PARP14: variants seen among roughly 807,000 people sequenced by gnomAD.
PARP14 encodes protein mono-ADP-ribosyltransferase PARP14.
Under a neutral mutation model 154.2 loss-of-function variants are expected in PARP14, and 59 were observed. The ratio of observed to expected loss-of-function variants is 0.38; its 90% CI spans 0.31 to 0.48. The LOEUF (loss-of-function observed/expected upper bound fraction) is 0.48. Among genes scored for constraint, PARP14 ranks in the 20% least tolerant of loss-of-function variants. The pLI is 0.98. For synonymous variants in PARP14, 720 were observed against 780.5 expected, an observed-to-expected ratio of 0.92 and a Z score of 1.29; for missense variants, 1,734 against 2,131.6, an observed-to-expected ratio of 0.81 and a Z score of 3.67.
intron 9 of PARP14, among the ~76,000 whole-genome samples, chr3:122,708,826 C>G (rs958001202): frequency 3.3e-5 from 5 of 152,086 alleles, no homozygotes; most frequent in Non-Finnish European, 7.3e-5. Context: ...TGCCTACCCC[C>G]CTCAATCCCA....
In PARP14 at chr3:122,728,777, C is replaced by T. The variant is rs1388320929; in HGVS notation, c.*180C>T. The T allele has an allele frequency of 3.5e-6, 2 of 578,116 alleles. No homozygotes were observed. The highest frequency in any genetic ancestry group is 5.7e-5 in the East Asian group (2 of 34,866). 35.8% of individuals were successfully genotyped at this position (578,116 alleles called of 1,614,324 possible). On this transcript the variant is annotated 3_prime_UTR_variant, in exon 17 of 17. Transcript: ENST00000474629. Reference sequence around the variant, plus strand: ...TTCATAATGGAAATGAACTTATTATCTTGAGAGCAAATAACTTGGAAAATT... The same window carrying T: ...TTCATAATGGAAATGAACTTATTATTTTGAGAGCAAATAACTTGGAAAATT...
At chr3:122,693,444 A>G (rs772901190) in intron 4 of PARP14, among the ~76,000 whole-genome samples, 3 of 152,216 alleles carry the variant, frequency 2.0e-5, no homozygotes, top group Non-Finnish European at 4.4e-5. Flanking sequence ...TGGCCAAGTT[A>G]TTATCCTCCC....
At chr3:122,704,040 G>T (rs1310270509) in intron 7 of PARP14, 62 bp downstream of exon 7, 4 of 1,081,708 alleles carry the variant, frequency 3.7e-6, no homozygotes, top group Non-Finnish European at 4.3e-6. Flanking sequence ...CCTTTTAGTA[G>T]CATATTAATT....
intron 12 of PARP14, among the ~76,000 whole-genome samples, chr3:122,716,807 G>A (rs1320689153): frequency 2.0e-5 from 3 of 152,050 alleles, no homozygotes; most frequent in African/African-American, 4.8e-5. Flanking sequence ...TTCTGCATAC[G>A]TGCCAGGCTG....
At position 122,718,874 on chromosome 3, in the gene PARP14, C is replaced by T. The variant is rs1933074383; in HGVS notation, c.4723C>T (p.His1575Tyr). 1 of 1,613,840 alleles carries T rather than the reference C, an allele frequency of 6.2e-7. No homozygotes were observed. Among genetic ancestry groups the T allele is most frequent in the Non-Finnish European group, 8.5e-7 (1 of 1,179,786 alleles). ...KTVDVKINHRHYTVNLNTYTA... is the reference protein window; with the variant it reads ...KTVDVKINHRYYTVNLNTYTA... Reference sequence around the variant, plus strand: ...AGTTGATGTCAAAATTAATCATCGGCACTACACAGTGAACTTGAACACATA... The same window carrying T: ...AGTTGATGTCAAAATTAATCATCGGTACTACACAGTGAACTTGAACACATA... Residue 1575 changes from histidine to tyrosine, a missense_variant, in exon 14 of 17, where the codon CAC (histidine) becomes TAC (tyrosine). By Grantham distance (83) the His-to-Tyr change is moderately conservative. Transcript: ENST00000474629.
intron 9 of PARP14, among the ~76,000 whole-genome samples, chr3:122,711,731 AT>A (rs1022806096): frequency 1.3e-5 from 2 of 151,730 alleles, no homozygotes; most frequent in African/African-American, 2.4e-5. Flanking sequence ...GTTGTTGGCA[AT>A]TTTTTTTAAT....
chr3:122,680,931 C>A lies in PARP14; in HGVS notation c.48C>A (p.Gly16=), dbSNP rs756571646. The change falls in exon 1 of 17, where the codon GGC becomes GGA. Residue 16 remains glycine, a synonymous_variant. Transcript: ENST00000474629. Reference sequence around the variant, plus strand: ...CGCTGCTGGTCGAGGGCTCCTGGGGCCCCGACCCCCCGAAGAACTTGAACA... The same window carrying A: ...CGCTGCTGGTCGAGGGCTCCTGGGGACCCGACCCCCCGAAGAACTTGAACA... ...SFPLLVEGSW[G]PDPPKNLNTK... is the part of the protein sequence containing the mutation. 3 of 1,612,138 alleles carry A rather than the reference C, an allele frequency of 1.9e-6. No individual in the cohort carries two copies. The highest frequency in any genetic ancestry group is 2.2e-5 in the East Asian group (1 of 44,754).
Position 122,701,441 on chromosome 3 carries a change from T to C in PARP14, c.2887T>C (p.Ser963Pro). The change falls in exon 6 of 17, where the codon TCT becomes CCT. Residue 963 changes from serine (S) to proline (P), a missense_variant. By Grantham distance (74) the Ser-to-Pro change is moderately conservative. Transcript: ENST00000474629. The surrounding 1 kb of genome is among the most constrained non-coding windows in gnomAD (Gnocchi z 4.0). ...GAAAGAAATCTACCTTGTGGATGTA[T>C]CTGAGAAGACTGTTGAGGCCTTTGC... ...CLKEIYLVDV[S>P]EKTVEAFAEA... The C allele has an allele frequency of 6.2e-7, 1 of 1,614,028 alleles. No homozygotes were observed. Among genetic ancestry groups the C allele is most frequent in the Non-Finnish European group, 8.5e-7 (1 of 1,179,894 alleles).
intron 15 of PARP14, among the ~76,000 whole-genome samples, chr3:122,724,135 C>A (rs543795067): frequency 1.3e-5 from 2 of 152,100 alleles, no homozygotes; most frequent in South Asian, 4.2e-4. Context: ...TTGTCTCGTG[C>A]CTGGAATCAG....
chr3:122,728,238 A>T, intron 16 of PARP14, 70 bp from the exon 17 acceptor site: 2 of 1,335,990 alleles, frequency 1.5e-6, no homozygotes, highest in Non-Finnish European at 2.1e-6. Context: ...AACATTATTT[A>T]ACAGATTGGG....
chr3:122,712,240 CT>C (rs55876947), intron 9 of PARP14, among the ~76,000 whole-genome samples: 39,348 of 138,204 alleles, frequency 0.28, 5,427 homozygotes, highest in East Asian at 0.52. Context: ...GGATTCACAT[CT>C]TTTTTTTTTT....
At chr3:122,689,258 G>A (rs1385462347) in intron 3 of PARP14, among the ~76,000 whole-genome samples, 5 of 152,124 alleles carry the variant, frequency 3.3e-5, no homozygotes, top group Admixed American at 6.5e-5. Flanking sequence ...CAGTCTGCTC[G>A]TCACCTACTA....
chr3:122,723,283 T>A (rs541569755), intron 15 of PARP14, among the ~76,000 whole-genome samples: 7 of 152,160 alleles, frequency 4.6e-5, no homozygotes, highest in African/African-American at 1.4e-4. Context: ...AAAAATCTCT[T>A]ATAACTCCCC....
At position 122,692,286 on chromosome 3, in the gene PARP14, T is replaced by C; in HGVS notation, c.356-15T>C. On this transcript the variant is annotated splice_polypyrimidine_tract_variant and intron_variant, in intron 3 of 16. Transcript: ENST00000474629. ...AGTATAACATCTTGTACCTCTTTTG[T>C]CTTCCTAAAATCAGATGTGTCAGAA... 1 of 1,604,918 alleles carries C rather than the reference T, an allele frequency of 6.2e-7. No homozygotes were observed. The highest frequency in any genetic ancestry group is 8.5e-7 in the Non-Finnish European group (1 of 1,173,634).
At chr3:122,699,242 C>G in intron 5 of PARP14, 148 bp from the exon 6 acceptor site, 1 of 520,732 alleles carries the variant, frequency 1.9e-6, no homozygotes. Context: ...TGCCACATAT[C>G]ATCTTGGTCT....
At chr3:122,712,202 A>G (rs1357369369) in intron 9 of PARP14, among the ~76,000 whole-genome samples, 1 of 151,638 alleles carries the variant, frequency 6.6e-6, no homozygotes, top group Non-Finnish European at 1.5e-5. Context: ...TAGATGCTTT[A>G]AAGTCTTCTA....
Position 122,729,784 on chromosome 3 carries a change from G to A in PARP14, c.*1187G>A, listed in dbSNP as rs1462421873. ...CAGTGATAACAATGGGATAACGCCT[G>A]CTACACATCTTCATTGTGAAACCCT... On this transcript the variant is annotated 3_prime_UTR_variant, in exon 17 of 17. Coordinates refer to ENST00000474629, the MANE Select transcript of PARP14 (RefSeq NM_017554.3). The A allele has an allele frequency of 6.6e-6, 1 of 152,148 alleles. No homozygotes were observed. The highest frequency in any genetic ancestry group is 2.4e-5 in the African/African-American group (1 of 41,420). 9.4% of individuals were successfully genotyped at this position (152,148 alleles called of 1,614,324 possible). A position where few individuals can be genotyped will look rare whatever the true frequency, so the allele number is the denominator to read the frequency against.
intron 11 of PARP14, 71 bp from the exon 12 acceptor site, chr3:122,714,191 C>A: frequency 7.2e-6 from 9 of 1,256,030 alleles, no homozygotes; most frequent in Non-Finnish European, 9.9e-6. Flanking sequence ...CCAAGTTATA[C>A]ATTTTGCTTT....
At chr3:122,686,827 A>T (rs995705419) in intron 2 of PARP14, 4 of 452,314 alleles carry the variant, frequency 8.8e-6, no homozygotes, top group African/African-American at 8.0e-5. Flanking sequence ...TGTAGGATGT[A>T]CCTCATATTC....
Sources: allele counts gnomAD v4.1 joint callset (sites outside exome capture counted in the v4.1 genomes callset), GRCh38; gene constraint gnomAD v4.1.1; non-coding constraint Gnocchi (gnomAD v3.1); transcripts MANE v1.5; gene names NCBI Gene and HGNC (gene_info 2026-07-23, HGNC 2026-07-21).